Variants in RELN observed in about 807,000 individuals in gnomAD.
The protein encoded by RELN is reelin.
RELN carries 108 observed loss-of-function variants against 427.6 expected under a neutral mutation model. That is an observed-to-expected ratio of 0.25 (90% CI 0.22 to 0.30). The LOEUF is 0.30. RELN is among the 10% of genes least tolerant of loss of function. The pLI, the probability that RELN is intolerant of heterozygous loss-of-function variation, is 1.00. For synonymous variants in RELN, 1,524 were observed against 1,513.4 expected, an observed-to-expected ratio of 1.01 and a Z score of -0.16; for missense variants, 3,715 against 4,302.8, an observed-to-expected ratio of 0.86 and a Z score of 3.82.
At chr7:103,686,608 G>A (rs1227270955) in intron 10 of RELN, among the ~76,000 whole-genome samples, 1 of 152,060 alleles carries the variant, frequency 6.6e-6, no homozygotes, top group African/African-American at 2.4e-5. Flanking sequence ...CCACTGTCTG[G>A]CTGGAAATAA....
At chr7:103,726,183 TTTGA>T (rs1166557801) in intron 7 of RELN, among the ~76,000 whole-genome samples, 1 of 152,336 alleles carries the variant, frequency 6.6e-6, no homozygotes, top group African/African-American at 2.4e-5. Flanking sequence ...TCACTTTTCA[TTTGA>T]TTGATCTGTC....
At chr7:103,630,633 G>A (rs552381969) in intron 19 of RELN, among the ~76,000 whole-genome samples, 2 of 152,252 alleles carry the variant, frequency 1.3e-5, no homozygotes, top group South Asian at 4.2e-4. Flanking sequence ...TTCCAGGAGC[G>A]ATTATTGTAC....
intron 10 of RELN, among the ~76,000 whole-genome samples, chr7:103,682,983 T>C (rs535743715): frequency 7.9e-5 from 12 of 152,204 alleles, no homozygotes; most frequent in Middle Eastern, 3.4e-3. Flanking sequence ...ACTTTGGAGA[T>C]AGTAAATGTT....
rs772717691 is a variant in RELN at position 103,635,420 on chromosome 7, C to A, written c.2465+5G>T. ...AACCATTTTTCCAAATGCTTTCCAA[C>A]ATACCTGGGCTCATGATAGCTGAGA... is the stretch of plus-strand genomic sequence containing the variant. On this transcript the variant is annotated splice_donor_5th_base_variant and intron_variant, in intron 19 of 64. Coordinates refer to ENST00000428762, the MANE Select transcript of RELN (RefSeq NM_005045.4). The A allele has an allele frequency of 7.4e-6, 12 of 1,613,640 alleles. No individual in the cohort carries two copies. In the Admixed American group the frequency reaches 2.0e-4, roughly 27 times the overall value.
At chr7:103,595,220 A>G (rs1831510436) in intron 25 of RELN, among the ~76,000 whole-genome samples, 1 of 152,214 alleles carries the variant, frequency 6.6e-6, no homozygotes, top group Non-Finnish European at 1.5e-5. Context: ...TCAGATTCAC[A>G]TATTACTTGG....
At chr7:103,933,005 T>C (rs1048198646) in intron 1 of RELN, among the ~76,000 whole-genome samples, 6 of 152,146 alleles carry the variant, frequency 3.9e-5, no homozygotes, top group African/African-American at 1.4e-4. Context: ...TGTTGGTAAA[T>C]GTGCAACAAC....
At chr7:103,798,639 G>A (rs1792369155) in intron 3 of RELN, among the ~76,000 whole-genome samples, 1 of 152,072 alleles carries the variant, frequency 6.6e-6, no homozygotes, top group Non-Finnish European at 1.5e-5. Flanking sequence ...AATCTCCTCA[G>A]CCAGGCAGAC....
chr7:103,580,399 T>C (rs1831102842), intron 28 of RELN, among the ~76,000 whole-genome samples: 1 of 152,186 alleles, frequency 6.6e-6, no homozygotes, highest in African/African-American at 2.4e-5. Flanking sequence ...ATTCTAATGA[T>C]GAATATTTTG....
At chr7:103,765,647 T>C (rs535008143) in intron 4 of RELN, among the ~76,000 whole-genome samples, 37 of 152,326 alleles carry the variant, frequency 2.4e-4, no homozygotes, top group African/African-American at 8.9e-4. Context: ...TGTAACAGCT[T>C]TGCCCTCCTT....
chr7:103,791,010 T>C (rs1792019307), intron 3 of RELN, among the ~76,000 whole-genome samples: 3 of 151,722 alleles, frequency 2.0e-5, no homozygotes, highest in Admixed American at 6.6e-5. Flanking sequence ...AAGAAAACAA[T>C]TCCATTTATA....
rs535278949 is a variant in RELN, at chr7:103,833,728, C to T, written c.338-56G>A. On this transcript the variant is annotated intron_variant, in intron 2 of 64. Coordinates refer to ENST00000428762, the MANE Select transcript of RELN (RefSeq NM_005045.4). ...GACAACAAAACAAAGATCTTCCTAT[C>T]ATGGCATCACAGTATTTTCTGAATA... 53 of 1,494,204 alleles carry T rather than the reference C, an allele frequency of 3.5e-5. No individual in the cohort carries two copies. In the South Asian group the frequency reaches 5.7e-4, roughly 16 times the overall value. 92.6% of individuals were successfully genotyped at this position (1,494,204 alleles called of 1,614,324 possible). A position where few individuals can be genotyped will look rare whatever the true frequency, so the allele number is the denominator to read the frequency against.
intron 12 of RELN, among the ~76,000 whole-genome samples, chr7:103,656,742 T>C (rs1002557006): frequency 6.6e-6 from 1 of 152,096 alleles, no homozygotes; most frequent in African/African-American, 2.4e-5. Flanking sequence ...GGGTTTCTTT[T>C]GGAGCCAGAC....
At position 103,553,446 on chromosome 7, in the gene RELN, A is replaced by G; in HGVS notation, c.6072+15T>C. 2.5e-6 allele frequency: 4 copies of G among 1,587,312 alleles called. No homozygotes were observed. The highest frequency in any genetic ancestry group is 3.5e-6 in the Non-Finnish European group (4 of 1,155,804). On this transcript the variant is annotated intron_variant, in intron 40 of 64. Transcript: ENST00000428762. Reference sequence around the variant, plus strand: ...ATAAAATTTAAAGCATTTATTATAGAACAAAGTCAAGTACCTCAAATTGTA... The same window carrying G: ...ATAAAATTTAAAGCATTTATTATAGGACAAAGTCAAGTACCTCAAATTGTA...
At chr7:103,522,759 A>G (rs377126932) in intron 47 of RELN, among the ~76,000 whole-genome samples, 2 of 151,254 alleles carry the variant, frequency 1.3e-5, no homozygotes, top group East Asian at 1.9e-4. Flanking sequence ...TTAGCCAAAA[A>G]AAGACTTCCC....
At chr7:103,651,851 A>G in intron 14 of RELN, 62 bp from the exon 15 acceptor site, 2 of 1,562,934 alleles carry the variant, frequency 1.3e-6, no homozygotes, top group South Asian at 2.3e-5. Flanking sequence ...AAATCAAATG[A>G]AATTTTCAAC....
chr7:103,958,070 C>T (rs1456723454), intron 1 of RELN, among the ~76,000 whole-genome samples: 1 of 152,234 alleles, frequency 6.6e-6, no homozygotes, highest in South Asian at 2.1e-4. Flanking sequence ...CTGAGCTATA[C>T]AATGGGCAGA....
chr7:103,630,013 C>G lies in RELN; in HGVS notation c.2629G>C (p.Val877Leu). 6.2e-7 allele frequency: 1 copy of G among 1,613,940 alleles called. No individual in the cohort carries two copies. The highest frequency in any genetic ancestry group is 8.5e-7 in the Non-Finnish European group (1 of 1,179,888). Residue 877 changes from valine to leucine, a missense_variant, in exon 20 of 65, where the codon GTG becomes CTG. Val to Leu is a conservative substitution (Grantham distance 32). Transcript: ENST00000428762. The stretch of plus-strand genomic sequence containing the variant: ...AATCCCAGAGACTGAGTGACCTCCA[C>G]AAGATTGGTAAAGTCAAGACTAATG... The part of the protein sequence containing the change: ...NSISLDFTNL[V>L]EVTQSLGFYL...
At chr7:103,845,063 T>C (rs1793640372) in intron 2 of RELN, among the ~76,000 whole-genome samples, 1 of 152,190 alleles carries the variant, frequency 6.6e-6, no homozygotes. Flanking sequence ...AAAAGAATTA[T>C]CCATAGCAAT....
At chr7:103,610,394 T>C (rs1831922415) in intron 22 of RELN, among the ~76,000 whole-genome samples, 1 of 152,136 alleles carries the variant, frequency 6.6e-6, no homozygotes, top group Non-Finnish European at 1.5e-5. Flanking sequence ...AAACTGAAAG[T>C]AACCGACTCA....
Sources: allele counts gnomAD v4.1 joint callset (sites outside exome capture counted in the v4.1 genomes callset), GRCh38; gene constraint gnomAD v4.1.1; transcripts MANE v1.5; gene names NCBI Gene and HGNC (gene_info 2026-07-23, HGNC 2026-07-21).